The following GPAT3 variants were observed in gnomAD, a reference collection of about 807,000 sequenced individuals.
The protein encoded by GPAT3 is 1-AGP acyltransferase 9.
A neutral mutation model predicts 58.8 loss-of-function variants in GPAT3; 53 were observed. The observed-to-expected ratio is 0.90, with a 90% CI of 0.72 to 1.13. The LOEUF (loss-of-function observed/expected upper bound fraction) is 1.13, where lower values mean the gene tolerates loss of function less well. GPAT3 is among the 50% of genes most tolerant of loss of function. The probability of loss-of-function intolerance (pLI) is 0.00; values close to 1 mark genes in which losing one functional copy is unlikely to be tolerated. For synonymous variants in GPAT3, 197 were observed against 187.4 expected (o/e 1.05, Z -0.42); for missense variants, 511 against 527.6 (o/e 0.97, Z 0.31).
At chr4:83,552,018 T>C (rs1039874429) in intron 2 of GPAT3, among the ~76,000 whole-genome samples, 2 of 152,150 alleles carry the variant, frequency 1.3e-5, no homozygotes, top group South Asian at 2.1e-4. Flanking sequence ...GAATGGAAGA[T>C]AGGTACCTTC....
At chr4:83,556,835 C>T (rs1186067980) in intron 2 of GPAT3, among the ~76,000 whole-genome samples, 1 of 151,862 alleles carries the variant, frequency 6.6e-6, no homozygotes, top group Non-Finnish European at 1.5e-5. Flanking sequence ...TGTCTTAGTC[C>T]ACTCAGGCTG....
chr4:83,604,798 CTAGCCCTTAGAAATGGAAT>C lies in GPAT3; in HGVS notation c.*32_*50del. The C allele has an allele frequency of 6.5e-7, 1 of 1,547,114 alleles. No individual in the cohort carries two copies. The highest frequency in any genetic ancestry group is 8.9e-7 in the Non-Finnish European group (1 of 1,129,608). ...CGGATGACAGCCTTTAGATCTAGAACTAGCCCTTAGAAATGGAATGGCTTTTTTTGTTTTGTTTTGTTTT... is the reference window on the plus strand; with the variant it reads ...CGGATGACAGCCTTTAGATCTAGAACGGCTTTTTTTGTTTTGTTTTGTTTT... On this transcript the variant is annotated 3_prime_UTR_variant, in exon 12 of 12. Coordinates refer to ENST00000264409, the MANE Select transcript of GPAT3 (RefSeq NM_032717.5).
intron 1 of GPAT3, among the ~76,000 whole-genome samples, chr4:83,538,447 C>G (rs1474201989): frequency 6.6e-6 from 1 of 152,210 alleles, no homozygotes; most frequent in African/African-American, 2.4e-5. Flanking sequence ...AGAATCCTCT[C>G]CCATAGCAGA....
intron 2 of GPAT3, among the ~76,000 whole-genome samples, chr4:83,552,006 A>G (rs1724774596): frequency 1.3e-5 from 2 of 152,258 alleles, no homozygotes; most frequent in South Asian, 4.1e-4. Context: ...CTAGTTATAT[A>G]TGAATGGAAG....
intron 6 of GPAT3, among the ~76,000 whole-genome samples, chr4:83,591,494 C>T (rs933806612): frequency 6.6e-6 from 1 of 152,066 alleles, no homozygotes; most frequent in African/African-American, 2.4e-5. Flanking sequence ...TTAATCTTTT[C>T]TTAGGTTAGG....
chr4:83,561,819 A>AAAAG (rs535439555), intron 2 of GPAT3, among the ~76,000 whole-genome samples: 3 of 151,362 alleles, frequency 2.0e-5, no homozygotes, highest in African/African-American at 7.3e-5. Flanking sequence ...AAAAAAAAAA[A>AAAAG]AGAGAGAGAG....
chr4:83,554,552 C>G (rs956695706), intron 2 of GPAT3, among the ~76,000 whole-genome samples: 2 of 151,998 alleles, frequency 1.3e-5, no homozygotes, highest in Non-Finnish European at 2.9e-5. Flanking sequence ...CCCACTGTTC[C>G]ATATTATTTA....
intron 6 of GPAT3, among the ~76,000 whole-genome samples, chr4:83,594,520 C>T (rs890158599): frequency 3.9e-5 from 6 of 152,136 alleles, no homozygotes; most frequent in Admixed American, 6.5e-5. Context: ...GCTTTTAAAT[C>T]TTTGTCAGTG....
rs971498350 is a variant in GPAT3 at position 83,591,301 on chromosome 4, G to T, written c.738+1009G>T. Among the ~76,000 whole-genome samples the T allele has an allele frequency of 2.7e-5, 4 of 150,444 alleles. No homozygotes were observed. The South Asian group carries it at 8.3e-4, about 31-fold the overall frequency. The stretch of plus-strand genomic sequence containing the variant: ...CACAATCATTAAGGGGATTTTGAAG[G>T]CCTTTGCAAAAATTTCTGCTTATTG... On this transcript the variant is annotated intron_variant, in intron 6 of 11. Coordinates refer to ENST00000264409, the MANE Select transcript of GPAT3 (RefSeq NM_032717.5).
intron 2 of GPAT3, among the ~76,000 whole-genome samples, chr4:83,550,746 G>T (rs1456806463): frequency 6.6e-6 from 1 of 152,102 alleles, no homozygotes; most frequent in East Asian, 1.9e-4. Context: ...TTCAGTCATG[G>T]TTCACAAAAA....
upstream of GPAT3, chr4:83,535,771 A>C: frequency 1.0e-6 from 1 of 985,440 alleles, no homozygotes; most frequent in Non-Finnish European, 1.2e-6. Context: ...AGCGGCGTAC[A>C]CGGCTGCGTG....
intron 2 of GPAT3, among the ~76,000 whole-genome samples, chr4:83,547,509 C>T (rs1050759680): frequency 1.3e-5 from 2 of 152,032 alleles, no homozygotes; most frequent in African/African-American, 4.8e-5. Context: ...ACCTCGGCCT[C>T]CCAAAGTGCT....
chr4:83,562,187 A>ATAT (rs1553944845), intron 2 of GPAT3, among the ~76,000 whole-genome samples: 6 of 52,896 alleles, frequency 1.1e-4, no homozygotes, highest in African/African-American at 6.6e-4. Flanking sequence ...TATTATATAT[A>ATAT]TATATATATA....
At chr4:83,548,648 C>T (rs1016152360) in intron 2 of GPAT3, among the ~76,000 whole-genome samples, 2 of 151,466 alleles carry the variant, frequency 1.3e-5, no homozygotes, top group Admixed American at 6.6e-5. Flanking sequence ...CTGATGCTGG[C>T]GTGACTCAGC....
In GPAT3 at chr4:83,590,193, T is replaced by C. The variant is rs1214719540; in HGVS notation, c.645-6T>C. 7 of 1,609,878 alleles carry C rather than the reference T, an allele frequency of 4.3e-6. No homozygotes were observed. Among genetic ancestry groups the C allele is most frequent in the East Asian group, 2.2e-5 (1 of 44,868 alleles). On this transcript the variant is annotated splice_region_variant and splice_polypyrimidine_tract_variant and intron_variant, in intron 5 of 11. Coordinates refer to ENST00000264409, the MANE Select transcript of GPAT3 (RefSeq NM_032717.5). Reference sequence around the variant, plus strand: ...ACTTCGAATTTTCCATTGTTTGTAATTGCAGGCAGTACAGACCCCAGAAGG... The same window carrying C: ...ACTTCGAATTTTCCATTGTTTGTAACTGCAGGCAGTACAGACCCCAGAAGG...
At chr4:83,549,469 A>T (rs11946556) in intron 2 of GPAT3, among the ~76,000 whole-genome samples, 1 of 64,362 alleles carries the variant, frequency 1.6e-5, no homozygotes, top group Admixed American at 1.5e-4. Flanking sequence ...GTGTGTGTGT[A>T]TGTATATATA....
At position 83,597,017 on chromosome 4, in the gene GPAT3, C is replaced by T. The variant is rs931029176; in HGVS notation, c.910+104C>T. On this transcript the variant is annotated intron_variant, in intron 8 of 11. Transcript: ENST00000264409. ...GAATTGGCAACCTTAGCCCAGATCT[C>T]TGCCCTTAGAGGAATGGGATGGCAC... is the stretch of plus-strand genomic sequence containing the variant. 1.6e-5 allele frequency: 16 copies of T among 1,009,118 alleles called. 1 individual carries two copies. The highest frequency in any genetic ancestry group is 2.0e-5 in the Non-Finnish European group (13 of 663,736). The allele number at this position is 1,009,118 out of a possible 1,614,324, so 62.5% of individuals were successfully genotyped here. A position where few individuals can be genotyped will look rare whatever the true frequency, so the allele number is the denominator to read the frequency against.
intron 2 of GPAT3, among the ~76,000 whole-genome samples, chr4:83,579,088 TTCC>T (rs1169967852): frequency 1.2e-5 from 1 of 81,610 alleles, no homozygotes; most frequent in African/African-American, 4.2e-5. Flanking sequence ...CTTCCCTTCC[TTCC>T]TTCCTTCCTT....
intron 1 of GPAT3, among the ~76,000 whole-genome samples, chr4:83,544,055 G>C (rs921405038): frequency 2.6e-5 from 4 of 152,160 alleles, no homozygotes; most frequent in South Asian, 2.1e-4. Flanking sequence ...AATTTGTTGT[G>C]AAAATAATTG....
Sources: gnomAD v4.1 joint callset for allele counts (sites outside exome capture counted in the v4.1 genomes callset) on GRCh38, gnomAD v4.1.1 for gene constraint, MANE v1.5 for transcripts, NCBI Gene and HGNC (gene_info 2026-07-23, HGNC 2026-07-21) for gene names.